Variants in L3MBTL3 observed in about 807,000 individuals in gnomAD.
L3MBTL3 encodes the protein L3MBTL histone methyl-lysine binding protein 3, also known as lethal(3)malignant brain tumor-like protein 3.
Under a neutral mutation model 102.3 loss-of-function variants are expected in L3MBTL3, and 27 were observed. The ratio of observed to expected loss-of-function variants is 0.26; its 90% CI spans 0.19 to 0.36. The LOEUF (loss-of-function observed/expected upper bound fraction) is 0.36. L3MBTL3 is among the 10% of genes least tolerant of loss of function. The probability of loss-of-function intolerance (pLI) is 1.00; values close to 1 mark genes in which losing one functional copy is unlikely to be tolerated. For missense variants in L3MBTL3, 798 were observed against 955.3 expected (o/e 0.84, Z 2.17); for synonymous variants, 340 against 320.9 (o/e 1.06, Z -0.64).
intron 3 of L3MBTL3, among the ~76,000 whole-genome samples, chr6:130,045,382 A>C (rs967080559): frequency 1.3e-5 from 2 of 152,168 alleles, no homozygotes; most frequent in African/African-American, 4.8e-5. Flanking sequence ...AACAGAGCAC[A>C]GACATCTCTG....
intron 16 of L3MBTL3, among the ~76,000 whole-genome samples, chr6:130,088,256 T>C (rs1390893643): frequency 6.6e-6 from 1 of 152,148 alleles, no homozygotes; most frequent in African/African-American, 2.4e-5. Flanking sequence ...GGAACAAATA[T>C]CTGAGTATTT....
intron 22 of L3MBTL3, chr6:130,138,120 A>G (rs974189821): frequency 1.3e-5 from 2 of 152,226 alleles, no homozygotes; most frequent in Non-Finnish European, 2.9e-5. Flanking sequence ...GGCAGTCTAT[A>G]TTTACAGGTC....
intron 19 of L3MBTL3, among the ~76,000 whole-genome samples, chr6:130,112,009 T>C (rs1340832748): frequency 6.6e-6 from 1 of 152,182 alleles, no homozygotes; most frequent in Non-Finnish European, 1.5e-5. Context: ...CTGAGATACC[T>C]CCTTTCCCTC....
chr6:130,089,338 T>G (rs111443680), intron 16 of L3MBTL3, among the ~76,000 whole-genome samples: 2,597 of 152,012 alleles, frequency 0.017, 64 homozygotes, highest in African/African-American at 0.06. Flanking sequence ...GTCTTCGTGA[T>G]AGTTTGCTGA....
At chr6:130,051,181 A>T in intron 5 of L3MBTL3, 68 bp from the exon 6 acceptor site, 2 of 1,307,558 alleles carry the variant, frequency 1.5e-6, no homozygotes, top group South Asian at 1.4e-5. Context: ...TAGAAGAAAA[A>T]GTTTGATTGT....
At chr6:130,106,547 C>G (rs1784989707) in intron 19 of L3MBTL3, among the ~76,000 whole-genome samples, 1 of 152,124 alleles carries the variant, frequency 6.6e-6, no homozygotes, top group African/African-American at 2.4e-5. Flanking sequence ...CTTTTTGCGG[C>G]CCTGGGAATC....
intron 3 of L3MBTL3, among the ~76,000 whole-genome samples, chr6:130,043,953 T>C (rs912666116): frequency 6.6e-6 from 1 of 152,226 alleles, no homozygotes; most frequent in Non-Finnish European, 1.5e-5. Flanking sequence ...CAGTTTTAGC[T>C]CTGTATGACC....
chr6:130,036,908 CAAAG>C (rs1314026330), intron 2 of L3MBTL3, among the ~76,000 whole-genome samples: 2 of 152,108 alleles, frequency 1.3e-5, no homozygotes, highest in Admixed American at 1.3e-4. Context: ...CGATGGTTAA[CAAAG>C]AAAGCTCACT....
intron 17 of L3MBTL3, among the ~76,000 whole-genome samples, chr6:130,093,950 A>T (rs552710370): frequency 6.6e-6 from 1 of 151,850 alleles, no homozygotes; most frequent in African/African-American, 2.4e-5. Context: ...AAGTTGTTTG[A>T]CTCTTCTTGT....
At chr6:130,033,330 G>C (rs1584285778) in intron 2 of L3MBTL3, among the ~76,000 whole-genome samples, 1 of 152,112 alleles carries the variant, frequency 6.6e-6, no homozygotes, top group East Asian at 1.9e-4. Context: ...ATGTCATTCT[G>C]CACCAAGTTT....
At chr6:130,060,640 C>A (rs7771774) in intron 10 of L3MBTL3, among the ~76,000 whole-genome samples, 9,684 of 151,752 alleles carry the variant, frequency 0.064, 834 homozygotes, top group African/African-American at 0.2. Flanking sequence ...CCATGTCTGT[C>A]TGATTCTATA....
intron 22 of L3MBTL3, among the ~76,000 whole-genome samples, chr6:130,136,193 A>G (rs1582665622): frequency 6.6e-6 from 1 of 152,138 alleles, no homozygotes; most frequent in African/African-American, 2.4e-5. Flanking sequence ...TCTACAGTCT[A>G]TTCCCAGCAC....
At chr6:130,051,062 G>C (rs1439468518) in intron 5 of L3MBTL3, among the ~76,000 whole-genome samples, 187 bp from the exon 6 acceptor site, 2 of 152,076 alleles carry the variant, frequency 1.3e-5, no homozygotes, top group African/African-American at 2.4e-5. Flanking sequence ...TTCATTATTT[G>C]AATGACTTGA....
chr6:130,062,673 G>A (rs1781975342), intron 10 of L3MBTL3, among the ~76,000 whole-genome samples: 1 of 151,272 alleles, frequency 6.6e-6, no homozygotes. Flanking sequence ...TGTATAACAG[G>A]CATGAGCCAC....
chr6:130,071,562 A>G (rs1782644311), intron 13 of L3MBTL3, among the ~76,000 whole-genome samples: 1 of 152,028 alleles, frequency 6.6e-6, no homozygotes, highest in Admixed American at 6.6e-5. Context: ...TAATTATAAA[A>G]TAATTATAAT....
intron 1 of L3MBTL3, among the ~76,000 whole-genome samples, chr6:130,020,262 G>T (rs1778892984): frequency 6.6e-6 from 1 of 151,336 alleles, no homozygotes; most frequent in South Asian, 2.1e-4. Context: ...GGCCGGCGGG[G>T]GTGGGGATCG....
At chr6:130,123,594 T>C (rs1239955118) in intron 20 of L3MBTL3, among the ~76,000 whole-genome samples, 3 of 152,210 alleles carry the variant, frequency 2.0e-5, no homozygotes, top group Non-Finnish European at 4.4e-5. Flanking sequence ...ACATTTTGAA[T>C]AAGATTGTAA....
chr6:130,097,117 C>G (rs1784406295), intron 18 of L3MBTL3, among the ~76,000 whole-genome samples: 1 of 152,218 alleles, frequency 6.6e-6, no homozygotes, highest in Non-Finnish European at 1.5e-5. Context: ...CCTGACTATG[C>G]TGTCCTATTT....
chr6:130,068,716 GTTA>G, intron 12 of L3MBTL3, among the ~76,000 whole-genome samples: 1 of 152,266 alleles, frequency 6.6e-6, no homozygotes, highest in African/African-American at 2.4e-5. Context: ...ATATTTTATT[GTTA>G]TTATCACTTA....
Sources: gnomAD v4.1 joint callset for allele counts (sites outside exome capture counted in the v4.1 genomes callset) on GRCh38, gnomAD v4.1.1 for gene constraint, MANE v1.5 for transcripts, NCBI Gene and HGNC (gene_info 2026-07-23, HGNC 2026-07-21) for gene names.